The following FBXO28 variants were observed in gnomAD, a reference collection of about 807,000 sequenced individuals.
FBXO28 encodes F-box only protein 28.
Under a neutral mutation model 38.1 loss-of-function variants are expected in FBXO28, and 8 were observed. That is an observed-to-expected ratio of 0.21 (90% CI 0.12 to 0.38). FBXO28 has a LOEUF of 0.38. Ranked by LOEUF, FBXO28 falls within the 10% of genes least tolerant of loss-of-function variation. The probability of loss-of-function intolerance (pLI) is 1.00; values close to 1 mark genes in which losing one functional copy is unlikely to be tolerated. For missense variants in FBXO28, 345 were observed against 460.6 expected (o/e 0.75, Z 2.30); for synonymous variants, 168 against 173.8 (o/e 0.97, Z 0.26).
At chr1:224,123,935 C>T (rs1026468234) in intron 1 of FBXO28, among the ~76,000 whole-genome samples, 1 of 149,982 alleles carries the variant, frequency 6.7e-6, no homozygotes, top group African/African-American at 2.5e-5. Flanking sequence ...ATGGTGAAAC[C>T]CTGTCTCTAC....
At position 224,153,133 on chromosome 1, in the gene FBXO28, T is replaced by A. The variant is rs1452457318; in HGVS notation, c.517-9T>A. 1 of 1,581,366 alleles carries A rather than the reference T, an allele frequency of 6.3e-7. No individual in the cohort carries two copies. Among genetic ancestry groups the A allele is most frequent in the Admixed American group, 2.0e-5 (1 of 50,018 alleles). On this transcript the variant is annotated splice_polypyrimidine_tract_variant and intron_variant, in intron 3 of 4. Coordinates refer to ENST00000366862, the MANE Select transcript of FBXO28 (RefSeq NM_015176.4). ...AATCTAAAGTGCTAATGAGAATTCA[T>A]TATTTTAGGTGATTGATGAGATTTA...
At chr1:224,136,498 C>T (rs1657190410) in intron 3 of FBXO28, among the ~76,000 whole-genome samples, 2 of 151,302 alleles carry the variant, frequency 1.3e-5, no homozygotes, top group Non-Finnish European at 1.5e-5. Context: ...CCAAGGTGGG[C>T]GGATCACAAG....
At chr1:224,151,360 C>T (rs1224659099) in intron 3 of FBXO28, among the ~76,000 whole-genome samples, 1 of 152,166 alleles carries the variant, frequency 6.6e-6, no homozygotes, top group Non-Finnish European at 1.5e-5. Context: ...CCTGGCCTCT[C>T]CTATGATGTC....
intron 1 of FBXO28, among the ~76,000 whole-genome samples, chr1:224,126,750 C>T (rs1656912401): frequency 6.6e-6 from 1 of 152,152 alleles, no homozygotes; most frequent in African/African-American, 2.4e-5. Context: ...ATGGAGGTGG[C>T]AGTGAGCCGA....
Position 224,114,120 on chromosome 1 carries a change from A to T in FBXO28, c.-10A>T. The stretch of plus-strand genomic sequence containing the variant: ...CCCTTGCTGTGGGGGTAAGGAATCA[A>T]GCCCCCAAGATGGCGGCAGCGGCGG... On this transcript the variant is annotated 5_prime_UTR_variant, in exon 1 of 5. In the 5' UTR this introduces an upstream ATG that the reference lacks. Coordinates refer to ENST00000366862, the MANE Select transcript of FBXO28 (RefSeq NM_015176.4). 6.5e-7 allele frequency: 1 copy of T among 1,532,454 alleles called. No homozygotes were observed. The highest frequency in any genetic ancestry group is 8.8e-7 in the Non-Finnish European group (1 of 1,138,334). 94.9% of individuals were successfully genotyped at this position (1,532,454 alleles called of 1,614,324 possible). A position where few individuals can be genotyped will look rare whatever the true frequency, so the allele number is the denominator to read the frequency against.
rs1190893300 is a variant in FBXO28 at position 224,159,867 on chromosome 1, CAT to C, written c.*2122_*2123del. ...TTAAACTACATCTAGATAGCCTAAA[CAT>C]CTATGTAGTCTTCCATTAGTTAACA... is the stretch of plus-strand genomic sequence containing the variant. On this transcript the variant is annotated 3_prime_UTR_variant, in exon 5 of 5. Transcript: ENST00000366862. 6.6e-6 allele frequency: 1 copy of C among 152,152 alleles called. No homozygotes were observed. Among genetic ancestry groups the C allele is most frequent in the Non-Finnish European group, 1.5e-5 (1 of 68,030 alleles). The allele number at this position is 152,152 out of a possible 1,614,324, so 9.4% of individuals were successfully genotyped here.
At chr1:224,128,940 C>T (rs1223873407) in intron 1 of FBXO28, among the ~76,000 whole-genome samples, 2 of 135,548 alleles carry the variant, frequency 1.5e-5, no homozygotes, top group Admixed American at 8.7e-5. Context: ...GAGCTGTGAT[C>T]GTGGCACTGC....
intron 3 of FBXO28, 51 bp from the exon 4 acceptor site, chr1:224,153,091 C>G: frequency 6.8e-7 from 1 of 1,474,602 alleles, no homozygotes; most frequent in Non-Finnish European, 9.2e-7. Flanking sequence ...TAGCTATTTT[C>G]TTTATTAAAA....
At chr1:224,135,203 C>T (rs1362178465) in intron 3 of FBXO28, among the ~76,000 whole-genome samples, 1 of 152,182 alleles carries the variant, frequency 6.6e-6, no homozygotes, top group East Asian at 1.9e-4. Context: ...TTAGAAACTT[C>T]AGAGTGATTC....
chr1:224,140,909 G>A (rs1180759340), intron 3 of FBXO28, among the ~76,000 whole-genome samples: 2 of 149,184 alleles, frequency 1.3e-5, no homozygotes, highest in Non-Finnish European at 3.0e-5. Context: ...TCGTACCACT[G>A]CACTCCAGCC....
Sources: gnomAD v4.1 joint callset for allele counts (sites outside exome capture counted in the v4.1 genomes callset) on GRCh38, gnomAD v4.1.1 for gene constraint, MANE v1.5 for transcripts, NCBI Gene and HGNC (gene_info 2026-07-23, HGNC 2026-07-21) for gene names.